Variants in EPHA3 observed in about 807,000 individuals in gnomAD.
The protein encoded by EPHA3 is EPH receptor A3.
A neutral mutation model predicts 107.1 loss-of-function variants in EPHA3; 42 were observed. The observed-to-expected ratio is 0.39, with a 90% CI of 0.31 to 0.51. The LOEUF (loss-of-function observed/expected upper bound fraction) is 0.51. EPHA3 is among the 20% of genes least tolerant of loss of function. EPHA3 has a pLI of 0.78. For synonymous variants in EPHA3, 461 were observed against 424.8 expected (o/e 1.09, Z -1.05); for missense variants, 1,183 against 1,211.2 (o/e 0.98, Z 0.35).
chr3:89,449,128 A>C (rs1709936563), intron 13 of EPHA3, 97 bp from the exon 14 acceptor site: 2 of 1,210,792 alleles, frequency 1.7e-6, no homozygotes, highest in Non-Finnish European at 2.2e-6. Context: ...TCAGAACAGA[A>C]ATACTATGAG....
chr3:89,295,017 AG>A (rs1706312518), intron 3 of EPHA3, among the ~76,000 whole-genome samples: 1 of 152,166 alleles, frequency 6.6e-6, no homozygotes, highest in Admixed American at 6.6e-5. Context: ...ATGGATTCAG[AG>A]AAGTGTTTAA....
rs1447305906 is a variant in EPHA3 at position 89,370,253 on chromosome 3, A to C, written c.1307-25584A>C. On this transcript the variant is annotated intron_variant, in intron 5 of 16. Coordinates refer to ENST00000336596, the MANE Select transcript of EPHA3 (RefSeq NM_005233.6). ...TTCACCATAGCAAAGACTTGGAATC[A>C]ACCCAAATGTCCAACAATGATAGAC... 1.3e-5 allele frequency among the ~76,000 whole-genome samples: 2 copies of C among 151,356 alleles called. 1 individual carries two copies. The highest frequency in any genetic ancestry group is 4.8e-5 in the African/African-American group (2 of 41,358).
At chr3:89,378,986 T>G (rs1297114546) in intron 5 of EPHA3, among the ~76,000 whole-genome samples, 1 of 152,184 alleles carries the variant, frequency 6.6e-6, no homozygotes, top group Admixed American at 6.5e-5. Flanking sequence ...CGCTCCAAAA[T>G]TTATGGCTAG....
At chr3:89,243,335 C>T (rs1209849664) in intron 3 of EPHA3, among the ~76,000 whole-genome samples, 1 of 152,180 alleles carries the variant, frequency 6.6e-6, no homozygotes, top group Admixed American at 6.5e-5. Context: ...TCCACACTGA[C>T]TTCCACAATG....
chr3:89,369,182 G>A (rs141117154), intron 5 of EPHA3, among the ~76,000 whole-genome samples: 22 of 150,642 alleles, frequency 1.5e-4, no homozygotes, highest in African/African-American at 3.4e-4. Context: ...AAAAGAGCCC[G>A]CATCACCAAG....
At chr3:89,444,268 A>T (rs1404033656) in intron 13 of EPHA3, among the ~76,000 whole-genome samples, 1 of 152,132 alleles carries the variant, frequency 6.6e-6, no homozygotes, top group East Asian at 1.9e-4. Flanking sequence ...TGTAGAACAT[A>T]AAGAGTTTGA....
In EPHA3 at chr3:89,210,399, C is replaced by A. The variant is rs1409666452; in HGVS notation, c.693C>A (p.Val231=). ...TGGTGGAGGTTAGAGGGTCTTGTGT[C>A]AACAATTCTAAGGAGGAAGATCCTC... ...QSLVEVRGSC[V]NNSKEEDPPR... is the part of the protein sequence containing the mutation. Residue 231 remains valine, a synonymous_variant, in exon 3 of 17, where the codon GTC becomes GTA. Coordinates refer to ENST00000336596, the MANE Select transcript of EPHA3 (RefSeq NM_005233.6). 6.2e-7 allele frequency: 1 copy of A among 1,613,636 alleles called. No individual in the cohort carries two copies. Among genetic ancestry groups the A allele is most frequent in the African/African-American group, 1.3e-5 (1 of 74,874 alleles).
At chr3:89,130,062 G>T (rs190783170) in intron 2 of EPHA3, among the ~76,000 whole-genome samples, 1 of 152,222 alleles carries the variant, frequency 6.6e-6, no homozygotes, top group African/African-American at 2.4e-5. Context: ...GCGAGTAAGG[G>T]AAGAGGGAAT....
chr3:89,373,974 C>T, intron 5 of EPHA3, among the ~76,000 whole-genome samples: 1 of 151,736 alleles, frequency 6.6e-6, no homozygotes, highest in East Asian at 1.9e-4. Flanking sequence ...CTATTCAATA[C>T]TATATATAAT....
intron 2 of EPHA3, among the ~76,000 whole-genome samples, chr3:89,188,060 TAAAAG>T (rs927594212): frequency 1.1e-4 from 17 of 152,300 alleles, no homozygotes; most frequent in Admixed American, 3.9e-4. Context: ...TCCAATAATA[TAAAAG>T]AAAACTAGTA....
chr3:89,115,773 T>A (rs563155938), intron 1 of EPHA3, among the ~76,000 whole-genome samples: 8 of 152,264 alleles, frequency 5.3e-5, no homozygotes, highest in African/African-American at 1.7e-4. Context: ...AGAAAATGGA[T>A]CATAATAAAG....
At chr3:89,219,615 A>G (rs1252487747) in intron 3 of EPHA3, among the ~76,000 whole-genome samples, 9 of 150,132 alleles carry the variant, frequency 6.0e-5, no homozygotes, top group African/African-American at 2.2e-4. Flanking sequence ...CCAGGGTATT[A>G]CCTATAGAAT....
intron 3 of EPHA3, among the ~76,000 whole-genome samples, chr3:89,338,797 C>T (rs1464052798): frequency 2.0e-5 from 3 of 152,136 alleles, no homozygotes; most frequent in Admixed American, 6.6e-5. Context: ...GTTTTTACAA[C>T]ATTTGTTATA....
At chr3:89,422,854 A>C (rs1028270760) in intron 11 of EPHA3, among the ~76,000 whole-genome samples, 1 of 151,440 alleles carries the variant, frequency 6.6e-6, no homozygotes, top group African/African-American at 2.4e-5. Flanking sequence ...TTGTATTTTC[A>C]TTTAGCCACA....
intron 3 of EPHA3, among the ~76,000 whole-genome samples, chr3:89,242,095 A>T (rs556076291): frequency 6.6e-6 from 1 of 152,342 alleles, no homozygotes; most frequent in African/African-American, 2.4e-5. Context: ...TATGAAAGGA[A>T]ATACACGGTT....
chr3:89,325,302 C>A (rs1193276338), intron 3 of EPHA3, among the ~76,000 whole-genome samples: 1 of 152,148 alleles, frequency 6.6e-6, no homozygotes, highest in Non-Finnish European at 1.5e-5. Flanking sequence ...ACTTCTCTAC[C>A]TATGTCTTAT....
At chr3:89,322,201 G>A (rs1247123716) in intron 3 of EPHA3, among the ~76,000 whole-genome samples, 1 of 151,860 alleles carries the variant, frequency 6.6e-6, no homozygotes, top group Non-Finnish European at 1.5e-5. Flanking sequence ...TTGGCACCAT[G>A]GAATTATTCA....
Position 89,128,116 on chromosome 3 carries a change from A to G in EPHA3, c.153+843A>G, listed in dbSNP as rs1704130592. On this transcript the variant is annotated intron_variant, in intron 2 of 16. Coordinates refer to ENST00000336596, the MANE Select transcript of EPHA3 (RefSeq NM_005233.6). ...CAAATTTATGTATTCCTGTCCTTCT[A>G]TGATAGTCGTCTTTTCAAGAGATTG... 3.9e-5 allele frequency among the ~76,000 whole-genome samples: 6 copies of G among 152,120 alleles called. No individual in the cohort carries two copies. The South Asian group carries it at 1.2e-3, about 31-fold the overall frequency.
intron 2 of EPHA3, among the ~76,000 whole-genome samples, chr3:89,174,382 G>A (rs1397071283): frequency 6.6e-6 from 1 of 151,966 alleles, no homozygotes; most frequent in African/African-American, 2.4e-5. Flanking sequence ...GTCATTATGA[G>A]TATTTCATTA....
Sources: allele counts gnomAD v4.1 joint callset (sites outside exome capture counted in the v4.1 genomes callset), GRCh38; gene constraint gnomAD v4.1.1; transcripts MANE v1.5; gene names NCBI Gene and HGNC (gene_info 2026-07-23, HGNC 2026-07-21).